Variants in MAP3K20 observed in about 807,000 individuals in gnomAD.
The protein encoded by MAP3K20 is mitogen-activated protein kinase kinase kinase 20.
Under a neutral mutation model 85.7 loss-of-function variants are expected in MAP3K20, and 40 were observed. That is an observed-to-expected ratio of 0.47 (90% CI 0.36 to 0.61). The LOEUF is 0.61. Among genes scored for constraint, MAP3K20 ranks in the 20% least tolerant of loss-of-function variants. MAP3K20 has a pLI of 0.00. For missense variants in MAP3K20, 817 were observed against 961.7 expected, an observed-to-expected ratio of 0.85 and a Z score of 1.99; for synonymous variants, 325 against 327.7, an observed-to-expected ratio of 0.99 and a Z score of 0.09.
At chr2:173,197,924 G>A (rs956105347) in intron 7 of MAP3K20, 102 bp from the exon 8 acceptor site, 5 of 967,360 alleles carry the variant, frequency 5.2e-6, no homozygotes, top group African/African-American at 5.0e-5. Context: ...GGTTGGTTGT[G>A]TCTGGTAATT....
upstream of MAP3K20, chr2:173,075,671 G>C: frequency 4.1e-5 from 39 of 953,804 alleles, no homozygotes; most frequent in Non-Finnish European, 4.9e-5. Flanking sequence ...AGCAAGGCAG[G>C]TGTGTCTGGG....
chr2:173,152,032 A>G (rs1040804902), intron 2 of MAP3K20, among the ~76,000 whole-genome samples: 6 of 152,208 alleles, frequency 3.9e-5, no homozygotes, highest in African/African-American at 1.4e-4. Context: ...ATAGGCTCTT[A>G]ACAGGGTCTA....
chr2:173,105,815 A>G (rs2106166084), intron 2 of MAP3K20, among the ~76,000 whole-genome samples: 1 of 152,304 alleles, frequency 6.6e-6, no homozygotes, highest in African/African-American at 2.4e-5. Context: ...GATGATGGAA[A>G]AATTCTGGTA....
chr2:173,075,994 G>A lies in MAP3K20; in HGVS notation c.-43G>A, dbSNP rs1686838077. The A allele has an allele frequency of 2.0e-6, 2 of 984,782 alleles. No individual in the cohort carries two copies. The highest frequency in any genetic ancestry group is 6.2e-5 in the Admixed American group (1 of 16,214). The allele number at this position is 984,782 out of a possible 1,614,324, so 61.0% of individuals were successfully genotyped here. ...CCCGGCTGCTGCTCACGCCCCGCCC[G>A]GGAGCCAGGTAGGGGTCAGGCTGGA... On this transcript the variant is annotated 5_prime_UTR_variant, in exon 1 of 20. Transcript: ENST00000375213.
chr2:173,255,850 G>A (rs1685145226), intron 16 of MAP3K20, among the ~76,000 whole-genome samples: 1 of 144,072 alleles, frequency 6.9e-6, no homozygotes, highest in South Asian at 2.3e-4. Flanking sequence ...GCCTTGAGGA[G>A]GTTCTTGCTA....
At chr2:173,223,957 G>T (rs769606900) in intron 11 of MAP3K20, 41 of 985,284 alleles carry the variant, frequency 4.2e-5, no homozygotes, top group Non-Finnish European at 4.9e-5. Flanking sequence ...GGGTTTACAA[G>T]GCAAAGATAG....
At position 173,229,707 on chromosome 2, in the gene MAP3K20, A is replaced by T. The variant is rs751163889; in HGVS notation, c.1006A>T (p.Ile336Phe). 1 of 1,613,618 alleles carries T rather than the reference A, an allele frequency of 6.2e-7. No individual in the cohort carries two copies. The highest frequency in any genetic ancestry group is 1.3e-5 in the African/African-American group (1 of 74,804). ...SNTPLLPSFE[I>F]GAWTEDDVYC... ...CATGCAGCTGCTGCCTTCCTTTGAG[A>T]TTGGTGCATGGACGGAAGACGATGT... Residue 336 changes from isoleucine (I) to phenylalanine (F), a missense_variant, in exon 12 of 20, where the codon ATT becomes TTT. Ile to Phe is a conservative substitution (Grantham distance 21). This residue lies in a region of MAP3K20 where 158 missense variants were observed against 162.0 expected (regional missense o/e 0.98). Transcript: ENST00000375213.
At chr2:173,231,520 T>G (rs1277877007) in intron 12 of MAP3K20, among the ~76,000 whole-genome samples, 1 of 152,208 alleles carries the variant, frequency 6.6e-6, no homozygotes, top group African/African-American at 2.4e-5. Context: ...CTAACAGCTA[T>G]TTTTAGTCTT....
At chr2:173,217,868 T>C (rs747003724) in intron 11 of MAP3K20, among the ~76,000 whole-genome samples, 2 of 152,212 alleles carry the variant, frequency 1.3e-5, no homozygotes, top group Non-Finnish European at 2.9e-5. Flanking sequence ...TTTAGAGGAA[T>C]ATAAAAATTA....
chr2:173,195,009 T>C (rs1690780377), intron 7 of MAP3K20, among the ~76,000 whole-genome samples: 1 of 152,020 alleles, frequency 6.6e-6, no homozygotes, highest in South Asian at 2.1e-4. Flanking sequence ...GCTGGTAAAC[T>C]TTGCTAGGGA....
At chr2:173,188,572 G>C (rs1017755583) in intron 5 of MAP3K20, among the ~76,000 whole-genome samples, 1 of 151,782 alleles carries the variant, frequency 6.6e-6, no homozygotes, top group Non-Finnish European at 1.5e-5. Context: ...ACCCTTGCAC[G>C]TGCCTCAGGA....
intron 16 of MAP3K20, among the ~76,000 whole-genome samples, chr2:173,245,778 A>G (rs924103441): frequency 6.6e-6 from 1 of 152,188 alleles, no homozygotes; most frequent in Non-Finnish European, 1.5e-5. Context: ...CTAAAAGTAT[A>G]AAAATTAGCT....
At chr2:173,130,976 A>G (rs962351052) in intron 2 of MAP3K20, among the ~76,000 whole-genome samples, 2 of 152,220 alleles carry the variant, frequency 1.3e-5, no homozygotes, top group Non-Finnish European at 2.9e-5. Flanking sequence ...TGACTTGTCT[A>G]TCAGCCCCTT....
At chr2:173,089,687 A>G (rs1314436385) in intron 1 of MAP3K20, among the ~76,000 whole-genome samples, 1 of 152,008 alleles carries the variant, frequency 6.6e-6, no homozygotes, top group Non-Finnish European at 1.5e-5. Context: ...GGTTCAGGGA[A>G]TTCTCATGTC....
intron 1 of MAP3K20, among the ~76,000 whole-genome samples, chr2:173,089,046 G>T (rs2106145041): frequency 6.6e-6 from 1 of 152,292 alleles, no homozygotes; most frequent in African/African-American, 2.4e-5. Flanking sequence ...TGATTTTCCT[G>T]AAATGGGATG....
intron 3 of MAP3K20, among the ~76,000 whole-genome samples, chr2:173,174,669 G>C (rs1690103184): frequency 6.6e-6 from 1 of 152,072 alleles, no homozygotes. Flanking sequence ...ATAAACATAT[G>C]TGTGTGTGTG....
intron 2 of MAP3K20, among the ~76,000 whole-genome samples, chr2:173,104,075 T>C (rs1156573887): frequency 1.3e-5 from 2 of 152,164 alleles, no homozygotes; most frequent in Non-Finnish European, 2.9e-5. Flanking sequence ...TTAGAAAATA[T>C]AAGACCTATA....
chr2:173,118,976 TATCA>T (rs1269216324), intron 2 of MAP3K20, among the ~76,000 whole-genome samples: 2 of 152,216 alleles, frequency 1.3e-5, no homozygotes. Context: ...CAGTAGATTG[TATCA>T]ATCAGAGTCA....
intron 2 of MAP3K20, among the ~76,000 whole-genome samples, chr2:173,133,570 T>C (rs1559245336): frequency 6.6e-6 from 1 of 152,154 alleles, no homozygotes; most frequent in East Asian, 1.9e-4. Flanking sequence ...CATTATAGTA[T>C]GTTTAAGTTG....
Sources: gnomAD v4.1 joint callset for allele counts (sites outside exome capture counted in the v4.1 genomes callset) on GRCh38, gnomAD v4.1.1 for gene constraint, gnomAD v4.1.1 regional missense constraint, MANE v1.5 for transcripts, NCBI Gene and HGNC (gene_info 2026-07-23, HGNC 2026-07-21) for gene names.